IMMP2L: variants seen among roughly 807,000 people sequenced by gnomAD.
IMMP2L encodes mitochondrial inner membrane protease subunit 2.
A neutral mutation model predicts 19.3 loss-of-function variants in IMMP2L; 18 were observed. That is an observed-to-expected ratio of 0.93 (90% CI 0.64 to 1.38). IMMP2L has a LOEUF of 1.38. Ranked by LOEUF, IMMP2L falls within the 40% of genes most tolerant of loss-of-function variation. The pLI is 0.00. For synonymous variants in IMMP2L, 76 were observed against 73.0 expected, an observed-to-expected ratio of 1.04 and a Z score of -0.21; for missense variants, 233 against 218.2, an observed-to-expected ratio of 1.07 and a Z score of -0.43.
chr7:111,016,232 G>A (rs183584064), intron 3 of IMMP2L, among the ~76,000 whole-genome samples: 23 of 150,200 alleles, frequency 1.5e-4, no homozygotes, highest in African/African-American at 5.6e-4. Context: ...GTTTCATCTA[G>A]GTTAAACTCA....
chr7:111,342,412 T>G (rs1489134391), intron 3 of IMMP2L, among the ~76,000 whole-genome samples: 3 of 151,986 alleles, frequency 2.0e-5, no homozygotes, highest in Admixed American at 6.6e-5. Context: ...GTCAACATGG[T>G]GAAACCCTGT....
chr7:110,728,954 G>A lies in IMMP2L; in HGVS notation c.409-65233C>T, dbSNP rs747275966. 2.0e-5 allele frequency among the ~76,000 whole-genome samples: 3 copies of A among 152,026 alleles called. No homozygotes were observed. Among genetic ancestry groups the A allele is most frequent in the Admixed American group, 6.6e-5 (1 of 15,246 alleles). The stretch of plus-strand genomic sequence containing the variant: ...CACCCAGGCTGGACTGCAATGGCGC[G>A]ATCTCAGCTCACAGCAACCTCCGTC... On this transcript the variant is annotated intron_variant, in intron 5 of 5. Transcript: ENST00000405709. This position sits in a 1 kb window ranked among gnomAD's most constrained non-coding sequence, Gnocchi z 4.6.
intron 1 of IMMP2L, among the ~76,000 whole-genome samples, chr7:111,545,895 G>T (rs1178064091): frequency 1.3e-5 from 2 of 151,994 alleles, no homozygotes; most frequent in East Asian, 3.9e-4. Context: ...AATCCCCAGA[G>T]ACATTTTTCA....
At chr7:111,125,050 C>A in intron 3 of IMMP2L, 1 of 590,290 alleles carries the variant, frequency 1.7e-6, no homozygotes, top group Non-Finnish European at 2.9e-6. Flanking sequence ...ACCAATGCTG[C>A]TCCTGACCAA....
In IMMP2L at chr7:110,756,464, G is replaced by T. The variant is rs144731759; in HGVS notation, c.409-92743C>A. 7.0e-4 allele frequency among the ~76,000 whole-genome samples: 106 copies of T among 152,176 alleles called. 2 individuals are homozygous for T. In the East Asian group the frequency reaches 0.02, roughly 28 times the overall value. On this transcript the variant is annotated intron_variant, in intron 5 of 5. Transcript: ENST00000405709. ...TTTTGAAGCCCAGATGGAAGATATAGGATGGAAATAGTGTTTGTGCCTCAG... is the reference window on the plus strand; with the variant it reads ...TTTTGAAGCCCAGATGGAAGATATATGATGGAAATAGTGTTTGTGCCTCAG...
At chr7:110,846,836 A>G (rs1805719771) in intron 5 of IMMP2L, among the ~76,000 whole-genome samples, 1 of 152,108 alleles carries the variant, frequency 6.6e-6, no homozygotes, top group Admixed American at 6.6e-5. Context: ...CATTGACTCA[A>G]TTTCTTCAAT....
chr7:111,495,609 G>A (rs571125060), intron 2 of IMMP2L, among the ~76,000 whole-genome samples: 2 of 152,074 alleles, frequency 1.3e-5, no homozygotes, highest in Admixed American at 6.5e-5. Context: ...TTTATCTTTC[G>A]GTTTACGAAA....
At chr7:110,685,195 CA>C (rs1793028424) in intron 5 of IMMP2L, among the ~76,000 whole-genome samples, 1 of 152,080 alleles carries the variant, frequency 6.6e-6, no homozygotes, top group Non-Finnish European at 1.5e-5. Flanking sequence ...AATGTAAAGA[CA>C]GTCCAAGAAA....
At chr7:110,842,970 C>G (rs568749611) in intron 5 of IMMP2L, among the ~76,000 whole-genome samples, 4 of 152,108 alleles carry the variant, frequency 2.6e-5, no homozygotes, top group South Asian at 4.2e-4. Context: ...AGATTTAAAA[C>G]CACAGCTTAG....
intron 5 of IMMP2L, among the ~76,000 whole-genome samples, chr7:110,702,431 A>G (rs1043796624): frequency 3.9e-5 from 6 of 152,230 alleles, no homozygotes; most frequent in Non-Finnish European, 7.3e-5. Context: ...CTTTCAGGGC[A>G]ATGGCTAACA....
intron 5 of IMMP2L, among the ~76,000 whole-genome samples, chr7:110,864,875 T>C (rs1250282111): frequency 1.3e-5 from 2 of 152,070 alleles, no homozygotes; most frequent in Non-Finnish European, 2.9e-5. Context: ...ACAAGTCTTT[T>C]CTTCCCTGAT....
chr7:110,664,385 A>G (rs1791295830), intron 5 of IMMP2L, among the ~76,000 whole-genome samples: 2 of 152,104 alleles, frequency 1.3e-5, no homozygotes, highest in African/African-American at 4.8e-5. Flanking sequence ...ACAAAGAGAA[A>G]GCAAACAAGG....
intron 5 of IMMP2L, among the ~76,000 whole-genome samples, chr7:110,754,122 T>G (rs1231943288): frequency 6.6e-6 from 1 of 151,978 alleles, no homozygotes; most frequent in African/African-American, 2.4e-5. Context: ...TCTATCTATT[T>G]TGGGAGGCTG....
intron 4 of IMMP2L, among the ~76,000 whole-genome samples, chr7:110,951,563 A>ATG (rs760604719): frequency 1.5e-5 from 2 of 137,828 alleles, no homozygotes; most frequent in Non-Finnish European, 3.2e-5. Flanking sequence ...GTGTGTGTGT[A>ATG]TGTGTGTGTG....
At chr7:110,699,816 T>TAC in intron 5 of IMMP2L, among the ~76,000 whole-genome samples, 1 of 151,774 alleles carries the variant, frequency 6.6e-6, no homozygotes, top group Non-Finnish European at 1.5e-5. Flanking sequence ...ATTATATTGT[T>TAC]ACATTACGTG....
chr7:110,763,245 G>C (rs1327437018), intron 5 of IMMP2L, among the ~76,000 whole-genome samples: 2 of 152,114 alleles, frequency 1.3e-5, no homozygotes, highest in Admixed American at 1.3e-4. Context: ...GCTAGTTATG[G>C]AATTTCCTTT....
rs999161736 is a variant in IMMP2L, at chr7:110,870,885, C to G, written c.408+15708G>C. Among the ~76,000 whole-genome samples the G allele has an allele frequency of 1.3e-5, 2 of 152,038 alleles. No individual in the cohort carries two copies. The highest frequency in any genetic ancestry group is 1.3e-4 in the Admixed American group (2 of 15,254). On this transcript the variant is annotated intron_variant, in intron 5 of 5. Coordinates refer to ENST00000405709, the MANE Select transcript of IMMP2L (RefSeq NM_032549.4). The surrounding 1 kb of genome is among the most constrained non-coding windows in gnomAD (Gnocchi z 4.2). ...GAAGTGTTTCATGTAGGCTAGAGAT[C>G]GGGTTTGAGGATAACTGTAAGATAA...
chr7:111,139,047 C>T (rs777236227), intron 3 of IMMP2L, among the ~76,000 whole-genome samples: 4 of 151,602 alleles, frequency 2.6e-5, no homozygotes, highest in Non-Finnish European at 5.9e-5. Flanking sequence ...ATTTAAGATT[C>T]GATTTGGCTA....
rs758978862 is a variant in IMMP2L at position 111,452,365 on chromosome 7, A to G, written c.239+34873T>C. Among the ~76,000 whole-genome samples the G allele has an allele frequency of 4.6e-5, 7 of 152,180 alleles. 1 individual carries two copies. Among genetic ancestry groups the G allele is most frequent in the African/African-American group, 9.6e-5 (4 of 41,460 alleles). ...GTCTTTTGAAAAGTAGATAAAACTT[A>G]GAATTCCCTAAGCAAACCATAGTTA... On this transcript the variant is annotated intron_variant, in intron 3 of 5. Coordinates refer to ENST00000405709, the MANE Select transcript of IMMP2L (RefSeq NM_032549.4).
Sources: allele counts gnomAD v4.1 joint callset (sites outside exome capture counted in the v4.1 genomes callset), GRCh38; gene constraint gnomAD v4.1.1; non-coding constraint Gnocchi (gnomAD v3.1); transcripts MANE v1.5; gene names NCBI Gene and HGNC (gene_info 2026-07-23, HGNC 2026-07-21).